RCL1: variants seen among roughly 807,000 people sequenced by gnomAD.
The protein encoded by RCL1 is RNA 3'-terminal phosphate cyclase-like protein.
RCL1 carries 24 observed loss-of-function variants against 42.4 expected under a neutral mutation model. The observed-to-expected ratio is 0.57, with a 90% CI of 0.41 to 0.80. The LOEUF (loss-of-function observed/expected upper bound fraction) is 0.80. RCL1 is among the 30% of genes least tolerant of loss of function. The pLI is 0.00. For missense variants in RCL1, 578 were observed against 467.9 expected (o/e 1.24, Z -2.17); for synonymous variants, 228 against 177.3 (o/e 1.29, Z -2.27).
At chr9:4,810,442 ATTGT>A (rs1248484667) in intron 1 of RCL1, among the ~76,000 whole-genome samples, 1 of 152,150 alleles carries the variant, frequency 6.6e-6, no homozygotes, top group African/African-American at 2.4e-5. Flanking sequence ...ATAGTACGTA[ATTGT>A]TTGTGTGCCT....
intron 1 of RCL1, among the ~76,000 whole-genome samples, chr9:4,811,132 A>T (rs1286417883): frequency 6.6e-6 from 1 of 152,102 alleles, no homozygotes. Flanking sequence ...AAAATAAAAA[A>T]TTAGCCAGGT....
At chr9:4,817,214 C>T (rs1190878520) in intron 1 of RCL1, among the ~76,000 whole-genome samples, 3 of 152,028 alleles carry the variant, frequency 2.0e-5, no homozygotes, top group African/African-American at 7.2e-5. Flanking sequence ...TTCTTCTTGT[C>T]TTCTTTTTAG....
chr9:4,847,567 G>C (rs1454863991), intron 7 of RCL1, among the ~76,000 whole-genome samples: 1 of 152,124 alleles, frequency 6.6e-6, no homozygotes, highest in Non-Finnish European at 1.5e-5. Context: ...TCCACAACTG[G>C]ATTATGGCCA....
In RCL1 at chr9:4,848,860, A is replaced by T. The variant is rs7875667; in HGVS notation, c.868-587A>T. On this transcript the variant is annotated intron_variant, in intron 7 of 8. Coordinates refer to ENST00000381750, the MANE Select transcript of RCL1 (RefSeq NM_005772.5). ...ATACATAAGTAGTAAGAATAAAGGGATCTAACCTTAACAAGTCTTCAGTTT... is the reference window on the plus strand; with the variant it reads ...ATACATAAGTAGTAAGAATAAAGGGTTCTAACCTTAACAAGTCTTCAGTTT... Among the ~76,000 whole-genome samples the T allele has an allele frequency of 6.0e-3, 908 of 152,306 alleles. 9 individuals carry two copies. The highest frequency in any genetic ancestry group is 0.02 in the African/African-American group (844 of 41,566).
intron 1 of RCL1, among the ~76,000 whole-genome samples, chr9:4,809,571 G>A (rs1052333398): frequency 6.6e-6 from 1 of 152,120 alleles, no homozygotes; most frequent in African/African-American, 2.4e-5. Flanking sequence ...GCCTCCCAGA[G>A]TGCTGGGATT....
intron 3 of RCL1, 79 bp downstream of exon 3, chr9:4,827,112 T>C (rs757330452): frequency 1.4e-5 from 23 of 1,595,482 alleles, no homozygotes; most frequent in Non-Finnish European, 2.0e-5. Context: ...AAAAGTTCCT[T>C]ATAAGGCACA....
intron 1 of RCL1, among the ~76,000 whole-genome samples, chr9:4,820,010 A>G (rs895430601): frequency 6.6e-6 from 1 of 152,224 alleles, no homozygotes; most frequent in African/African-American, 2.4e-5. Flanking sequence ...TAACATCTGT[A>G]CATCTTTTAG....
rs753688613 is a variant in RCL1 at position 4,860,208 on chromosome 9, G to A, written c.1055G>A (p.Gly352Asp). The stretch of plus-strand genomic sequence containing the variant: ...AAGCCATGTGGTGAAGAACTCAAGG[G>A]TGGGGATAAAGTGCTGATGACCTGT... Reference protein sequence around the residue: ...ETKPCGEELKGGDKVLMTCVG... With the variant: ...ETKPCGEELKDGDKVLMTCVG... Residue 352 changes from glycine to aspartate, a missense_variant, in exon 9 of 9, where the codon GGT (glycine) becomes GAT (aspartate). By Grantham distance (94) the Gly-to-Asp change is moderately conservative. Transcript: ENST00000381750. 1 of 1,613,020 alleles carries A rather than the reference G, an allele frequency of 6.2e-7. No homozygotes were observed. Among genetic ancestry groups the A allele is most frequent in the Non-Finnish European group, 8.5e-7 (1 of 1,179,614 alleles).
chr9:4,857,421 G>A (rs1371861659), intron 8 of RCL1, among the ~76,000 whole-genome samples: 1 of 151,640 alleles, frequency 6.6e-6, no homozygotes, highest in Non-Finnish European at 1.5e-5. Context: ...GTTCATTGAT[G>A]TAGCACGTAT....
At chr9:4,822,870 CATT>C (rs930223507) in intron 1 of RCL1, among the ~76,000 whole-genome samples, 4 of 152,030 alleles carry the variant, frequency 2.6e-5, no homozygotes, top group Admixed American at 2.0e-4. Context: ...AAAATCCAAT[CATT>C]AAGATAAAAA....
chr9:4,850,493 C>CTTTTTTTTTTTTTT (rs35181848), intron 8 of RCL1: 1 of 134,270 alleles, frequency 7.4e-6, no homozygotes, highest in African/African-American at 3.8e-5. Context: ...TTTTTTTTTT[C>CTTTTTTTTTTTTTT]TTTTTTTTTT....
chr9:4,859,248 T>C (rs1818075675), intron 8 of RCL1, among the ~76,000 whole-genome samples: 1 of 152,222 alleles, frequency 6.6e-6, no homozygotes, highest in African/African-American at 2.4e-5. Context: ...TTGTTGTGTT[T>C]ACTGTGCACA....
At chr9:4,842,048 G>A (rs779267484) in intron 6 of RCL1, among the ~76,000 whole-genome samples, 8 of 152,166 alleles carry the variant, frequency 5.3e-5, no homozygotes, top group Non-Finnish European at 1.0e-4. Flanking sequence ...CAGTGAACAC[G>A]GAGATATACT....
chr9:4,793,259 C>T (rs769217341), intron 1 of RCL1, 32 bp downstream of exon 1: 120 of 1,559,246 alleles, frequency 7.7e-5, no homozygotes, highest in Non-Finnish European at 9.9e-5. Context: ...GCGGCGTGGG[C>T]GCGGGGGCTG....
intron 1 of RCL1, among the ~76,000 whole-genome samples, chr9:4,794,791 A>G (rs1221669562): frequency 6.6e-6 from 1 of 151,962 alleles, no homozygotes; most frequent in African/African-American, 2.4e-5. Flanking sequence ...CTCCCCCTCC[A>G]CTGTATGTGA....
intron 6 of RCL1, among the ~76,000 whole-genome samples, chr9:4,841,745 C>T (rs1050639018): frequency 3.3e-5 from 5 of 152,172 alleles, no homozygotes; most frequent in African/African-American, 1.2e-4. Context: ...TGTAAGTCAG[C>T]ATCTCTCTTC....
chr9:4,794,185 A>G (rs1324025087), intron 1 of RCL1, among the ~76,000 whole-genome samples: 1 of 152,120 alleles, frequency 6.6e-6, no homozygotes, highest in Non-Finnish European at 1.5e-5. Context: ...GATGTGTTTC[A>G]TTTTGCACTG....
At chr9:4,835,251 C>A (rs1471612320) in intron 5 of RCL1, among the ~76,000 whole-genome samples, 2 of 152,114 alleles carry the variant, frequency 1.3e-5, no homozygotes, top group African/African-American at 2.4e-5. Context: ...CCTGTGAGGC[C>A]ACCAAAACTT....
intron 1 of RCL1, among the ~76,000 whole-genome samples, chr9:4,801,996 C>T (rs557385225): frequency 1.3e-5 from 2 of 151,698 alleles, no homozygotes; most frequent in East Asian, 3.9e-4. Context: ...GCAGCCTCCG[C>T]CTGCCAGGTT....
Sources: gnomAD v4.1 joint callset for allele counts (sites outside exome capture counted in the v4.1 genomes callset) on GRCh38, gnomAD v4.1.1 for gene constraint, MANE v1.5 for transcripts, NCBI Gene and HGNC (gene_info 2026-07-23, HGNC 2026-07-21) for gene names.